Variants in MPP2 observed in about 807,000 individuals in gnomAD.
MPP2 encodes MAGUK p55 scaffold protein 2, also known as MAGUK p55 subfamily member 2.
In MPP2, 42 loss-of-function variants were observed where a neutral mutation model predicts 58.5. The ratio of observed to expected loss-of-function variants is 0.72; its 90% CI spans 0.56 to 0.93. The LOEUF (loss-of-function observed/expected upper bound fraction) is 0.93. Among genes scored for constraint, MPP2 ranks in the 40% least tolerant of loss-of-function variants. The probability of loss-of-function intolerance (pLI) is 0.00; values close to 1 mark genes in which losing one functional copy is unlikely to be tolerated. For synonymous variants in MPP2, 300 were observed against 307.8 expected, an observed-to-expected ratio of 0.97 and a Z score of 0.26; for missense variants, 632 against 760.4, an observed-to-expected ratio of 0.83 and a Z score of 1.99.
At chr17:43,900,578 C>T (rs911721031) in intron 2 of MPP2, 6 of 1,533,682 alleles carry the variant, frequency 3.9e-6, no homozygotes, top group Admixed American at 4.0e-5. Flanking sequence ...CGGGGACTCC[C>T]GGAGCGTCCT....
chr17:43,884,583 T>C (rs2047285203), intron 3 of MPP2, among the ~76,000 whole-genome samples: 1 of 152,218 alleles, frequency 6.6e-6, no homozygotes, highest in African/African-American at 2.4e-5. Context: ...TAGTTGATTG[T>C]TTCCTCATGA....
chr17:43,905,955 G>T, intron 1 of MPP2: 1 of 309,334 alleles, frequency 3.2e-6, no homozygotes, highest in Non-Finnish European at 4.7e-6. Flanking sequence ...CCCTATTCAG[G>T]CTACACCCAG....
Position 43,880,023 on chromosome 17 carries a change from G to A in MPP2, c.1151-39C>T, listed in dbSNP as rs542071382. On this transcript the variant is annotated intron_variant, in intron 10 of 12. Coordinates refer to ENST00000269095, the MANE Select transcript of MPP2 (RefSeq NM_005374.5). The surrounding 1 kb of genome is among the most constrained non-coding windows in gnomAD (Gnocchi z 5.2). ...GGTAGGTTGGACCAAATGGGCAGGG[G>A]CAGGTTACAGTGCCTCAGACACATA... The A allele has an allele frequency of 4.4e-5, 71 of 1,599,334 alleles. No homozygotes were observed. The South Asian group carries it at 6.7e-4, about 15-fold the overall frequency.
At chr17:43,902,136 G>A (rs1180424727) in intron 2 of MPP2, among the ~76,000 whole-genome samples, 1 of 152,154 alleles carries the variant, frequency 6.6e-6, no homozygotes, top group Non-Finnish European at 1.5e-5. Context: ...CTGCCTGAAG[G>A]AAGAAAAACA....
In MPP2 at chr17:43,880,372, A is replaced by G. The variant is rs1375667571; in HGVS notation, c.1150+319T>C. 1.3e-5 allele frequency among the ~76,000 whole-genome samples: 2 copies of G among 152,144 alleles called. No individual in the cohort carries two copies. Among genetic ancestry groups the G allele is most frequent in the East Asian group, 3.9e-4 (2 of 5,188 alleles). ...AGCCCTGTCTTCCACAAGGCTACACACATGCAGCTCGTAGCCTGTTTCACC... is the reference window on the plus strand; with the variant it reads ...AGCCCTGTCTTCCACAAGGCTACACGCATGCAGCTCGTAGCCTGTTTCACC... On this transcript the variant is annotated intron_variant, in intron 10 of 12. Transcript: ENST00000269095. This position sits in a 1 kb window ranked among gnomAD's most constrained non-coding sequence, Gnocchi z 5.2.
chr17:43,900,588 T>C, intron 2 of MPP2: 1 of 1,511,664 alleles, frequency 6.6e-7, no homozygotes, highest in Non-Finnish European at 8.9e-7. Context: ...CGGAGCGTCC[T>C]ACACGCCGCC....
chr17:43,906,238 C>T, intron 1 of MPP2: 2 of 702,648 alleles, frequency 2.8e-6, no homozygotes, highest in Non-Finnish European at 3.5e-6. Flanking sequence ...CCTGGGTTTT[C>T]TCCCGGGGAA....
intron 3 of MPP2, 129 bp downstream of exon 3, chr17:43,898,133 C>T (rs1484729261): frequency 1.3e-6 from 1 of 741,952 alleles, no homozygotes; most frequent in Non-Finnish European, 2.3e-6. Context: ...TTTTCTTCTA[C>T]AATCCCCTTC....
intron 2 of MPP2, chr17:43,900,428 A>AG: frequency 3.9e-6 from 6 of 1,542,482 alleles, no homozygotes; most frequent in Non-Finnish European, 5.3e-6. Flanking sequence ...AGGTAGGCTA[A>AG]GGGGCCAGCT....
chr17:43,904,968 G>A (rs1254683830), intron 1 of MPP2, among the ~76,000 whole-genome samples: 1 of 152,052 alleles, frequency 6.6e-6, no homozygotes, highest in Non-Finnish European at 1.5e-5. Flanking sequence ...CTGAGCCCAG[G>A]AGTTTGAGAC....
At chr17:43,908,416 A>G (rs1241567996), upstream of MPP2, among the ~76,000 whole-genome samples, 1 of 152,130 alleles carries the variant, frequency 6.6e-6, no homozygotes, top group African/African-American at 2.4e-5. Flanking sequence ...TTTCCTTGCT[A>G]ACTGGATTCC....
At chr17:43,904,578 G>T in intron 1 of MPP2, 85 bp from the exon 2 acceptor site, 1 of 1,223,830 alleles carries the variant, frequency 8.2e-7, no homozygotes, top group Non-Finnish European at 1.2e-6. Context: ...TTCAGGACGA[G>T]CCAGAAAGGT....
intron 3 of MPP2, among the ~76,000 whole-genome samples, chr17:43,894,438 TATATATACACACACACAC>T (rs2047742309): frequency 6.0e-5 from 1 of 16,762 alleles, no homozygotes; most frequent in African/African-American, 1.5e-4. Context: ...TATATATATA[TATATATACACACACACAC>T]ACACACAAAA....
intron 3 of MPP2, among the ~76,000 whole-genome samples, chr17:43,892,754 AGCTTCTCGCCAAAAAC>A (rs1172564016): frequency 2.0e-5 from 3 of 152,212 alleles, no homozygotes; most frequent in African/African-American, 4.8e-5. Context: ...AATCCTGACC[AGCTTCTCGCCAAAAAC>A]GTTTCCAGAG....
chr17:43,887,420 T>A (rs2047415952), intron 3 of MPP2, among the ~76,000 whole-genome samples: 1 of 152,068 alleles, frequency 6.6e-6, no homozygotes, highest in African/African-American at 2.4e-5. Context: ...AATTTAATAA[T>A]CTTTCATGCA....
rs778162331 is a variant in MPP2 at position 43,877,935 on chromosome 17, C to A, written c.1531G>T (p.Gly511Cys). ...TVEESSRIQR[G>C]YGHYFDLCLV... ...CAGAGGTCAAAGTAGTGCCCGTAGC[C>A]CCGCTGGATGCGGCTGCTCTCCTCC... The change falls in exon 13 of 13, where the codon GGC (glycine) becomes TGC (cysteine). Residue 511 changes from glycine (G) to cysteine (C), a missense_variant. Gly to Cys is a radical substitution (Grantham distance 159). Coordinates refer to ENST00000269095, the MANE Select transcript of MPP2 (RefSeq NM_005374.5). The A allele has an allele frequency of 2.5e-6, 4 of 1,613,996 alleles. No individual in the cohort carries two copies. In the South Asian group the frequency reaches 4.4e-5, roughly 18 times the overall value.
rs2048102604 is a variant in MPP2, at chr17:43,901,690, G to A, written c.31+2740C>T. 8.8e-6 allele frequency: 6 copies of A among 685,340 alleles called. No individual in the cohort carries two copies. The South Asian group carries it at 2.6e-4, about 30-fold the overall frequency. 42.5% of individuals were successfully genotyped at this position (685,340 alleles called of 1,614,324 possible). A position where few individuals can be genotyped will look rare whatever the true frequency, so the allele number is the denominator to read the frequency against. ...CATATCCCAGCCTTGATCCAAAAAA[G>A]GGAGGGAATCTGGTGACAGGGGAAG... On this transcript the variant is annotated intron_variant, in intron 2 of 12. Coordinates refer to ENST00000269095, the MANE Select transcript of MPP2 (RefSeq NM_005374.5).
chr17:43,900,614 A>C (rs2048053902), intron 2 of MPP2: 1 of 1,476,568 alleles, frequency 6.8e-7, no homozygotes, highest in South Asian at 1.3e-5. Flanking sequence ...CCGCCTCCCC[A>C]GCCAAAGCCT....
chr17:43,906,561 G>C (rs181267369), intron 1 of MPP2, among the ~76,000 whole-genome samples: 52 of 152,312 alleles, frequency 3.4e-4, no homozygotes, highest in African/African-American at 1.2e-3. Context: ...ATACAAAGAG[G>C]TGCGGAGAAG....
Sources: gnomAD v4.1 joint callset for allele counts (sites outside exome capture counted in the v4.1 genomes callset) on GRCh38, gnomAD v4.1.1 for gene constraint, Gnocchi (gnomAD v3.1) non-coding constraint, MANE v1.5 for transcripts, NCBI Gene and HGNC (gene_info 2026-07-23, HGNC 2026-07-21) for gene names.